CSMD1: variants seen among roughly 807,000 people sequenced by gnomAD.
The protein encoded by CSMD1 is CUB and Sushi multiple domains 1.
In CSMD1, 213 loss-of-function variants were observed where a neutral mutation model predicts 417.5. The ratio of observed to expected loss-of-function variants is 0.51; its 90% CI spans 0.46 to 0.57. The LOEUF (loss-of-function observed/expected upper bound fraction) is 0.57, where lower values mean the gene tolerates loss of function less well. Ranked by LOEUF, CSMD1 falls within the 20% of genes least tolerant of loss-of-function variation. The pLI is 0.00. For synonymous variants in CSMD1, 2,862 were observed against 1,736.8 expected, an observed-to-expected ratio of 1.65 and a Z score of -16.11; for missense variants, 6,923 against 4,529.7, an observed-to-expected ratio of 1.53 and a Z score of -15.17.
intron 5 of CSMD1, among the ~76,000 whole-genome samples, chr8:3,977,583 C>A (rs1309549910): frequency 6.6e-6 from 1 of 152,132 alleles, no homozygotes; most frequent in Non-Finnish European, 1.5e-5. Flanking sequence ...GCACAAAGCC[C>A]CATGTTAAAT....
At chr8:4,108,594 G>A (rs1472145312) in intron 3 of CSMD1, among the ~76,000 whole-genome samples, 2 of 152,092 alleles carry the variant, frequency 1.3e-5, no homozygotes, top group Non-Finnish European at 2.9e-5. Flanking sequence ...ATTTCCACAC[G>A]GCAACAGCAC....
chr8:4,039,434 T>C (rs1417931741), intron 3 of CSMD1, among the ~76,000 whole-genome samples: 1 of 152,326 alleles, frequency 6.6e-6, no homozygotes, highest in African/African-American at 2.4e-5. Flanking sequence ...CATTAAAAAA[T>C]CGGATTTCCT....
At chr8:3,358,105 A>T (rs1023527579) in intron 21 of CSMD1, among the ~76,000 whole-genome samples, 15 of 152,218 alleles carry the variant, frequency 9.9e-5, no homozygotes, top group Non-Finnish European at 1.6e-4. Context: ...ATGCTAAACA[A>T]GTTATGCTAA....
At chr8:4,067,811 GCTCATGTCTGTGAT>G (rs980632320) in intron 3 of CSMD1, among the ~76,000 whole-genome samples, 132 of 152,254 alleles carry the variant, frequency 8.7e-4, no homozygotes, top group African/African-American at 3.1e-3. Context: ...AGATACAGTG[GCTCATGTCTGTGAT>G]CCCAACACTT....
chr8:4,727,291 A>G (rs1012800127), intron 1 of CSMD1, among the ~76,000 whole-genome samples: 1 of 152,226 alleles, frequency 6.6e-6, no homozygotes, highest in African/African-American at 2.4e-5. Context: ...AGTCTGTAAC[A>G]ATAATTAAGT....
chr8:3,041,967 C>T (rs963936018), intron 50 of CSMD1, among the ~76,000 whole-genome samples: 2 of 152,188 alleles, frequency 1.3e-5, no homozygotes, highest in Non-Finnish European at 2.9e-5. Context: ...TTATTGGCCA[C>T]CCTTCATCTC....
intron 5 of CSMD1, among the ~76,000 whole-genome samples, chr8:3,946,115 A>T (rs548865772): frequency 3.3e-5 from 5 of 152,236 alleles, no homozygotes; most frequent in African/African-American, 1.2e-4. Flanking sequence ...GCACCTTGGA[A>T]CTGATTCCAT....
chr8:4,134,586 T>C (rs930570962), intron 3 of CSMD1, among the ~76,000 whole-genome samples: 2 of 152,216 alleles, frequency 1.3e-5, no homozygotes, highest in Non-Finnish European at 2.9e-5. Flanking sequence ...AAGGAATGCA[T>C]ACAACTTCCA....
chr8:3,171,196 T>C (rs1213017778), intron 37 of CSMD1, among the ~76,000 whole-genome samples: 1 of 152,186 alleles, frequency 6.6e-6, no homozygotes, highest in Non-Finnish European at 1.5e-5. Flanking sequence ...CAATTATAGA[T>C]CCTTTATAAA....
At chr8:3,390,896 T>C (rs1225196651) in intron 17 of CSMD1, among the ~76,000 whole-genome samples, 1 of 152,076 alleles carries the variant, frequency 6.6e-6, no homozygotes, top group Admixed American at 6.6e-5. Flanking sequence ...TCTCACAGCC[T>C]CCGAGAGGTT....
At chr8:3,287,257 T>G (rs999414610) in intron 25 of CSMD1, among the ~76,000 whole-genome samples, 1 of 151,300 alleles carries the variant, frequency 6.6e-6, no homozygotes, top group Non-Finnish European at 1.5e-5. Flanking sequence ...CTTTGTTCTT[T>G]TGGCTTAGGA....
intron 2 of CSMD1, among the ~76,000 whole-genome samples, chr8:4,633,298 G>C (rs576444220): frequency 6.6e-6 from 1 of 152,232 alleles, no homozygotes; most frequent in Admixed American, 6.5e-5. Flanking sequence ...CCAGGCTGGA[G>C]TGCAGTGGTG....
At chr8:3,939,192 G>C (rs1314068447) in intron 5 of CSMD1, among the ~76,000 whole-genome samples, 1 of 151,942 alleles carries the variant, frequency 6.6e-6, no homozygotes, top group Non-Finnish European at 1.5e-5. Context: ...CTGTATAAGA[G>C]AACCCAACAC....
rs945743690 is a variant in CSMD1, at chr8:3,722,767, G to A, written c.932-14276C>T. ...TCTAATATTAGCATTAATGCTAGTC[G>A]TTAGCAGAATGCACCTGCACTTCTG... On this transcript the variant is annotated intron_variant, in intron 6 of 69. Transcript: ENST00000635120. Among the ~76,000 whole-genome samples, 8 of 152,148 alleles carry A rather than the reference G, an allele frequency of 5.3e-5. No individual in the cohort carries two copies. In the South Asian group the frequency reaches 6.2e-4, roughly 12 times the overall value.
intron 2 of CSMD1, among the ~76,000 whole-genome samples, chr8:4,484,670 T>C (rs1233940946): frequency 1.3e-5 from 2 of 151,344 alleles, no homozygotes; most frequent in African/African-American, 4.9e-5. Context: ...CCTGGGAAGA[T>C]ATTGAAAGAG....
In CSMD1 at chr8:3,980,572, A is replaced by G. The variant is rs140122737; in HGVS notation, c.818+17331T>C. Reference sequence around the variant, plus strand: ...TGGTTTTCCACTCAAATTCGTAGTGAAAATAGTTTCCCCCCTTGTTAATTT... The same window carrying G: ...TGGTTTTCCACTCAAATTCGTAGTGGAAATAGTTTCCCCCCTTGTTAATTT... On this transcript the variant is annotated intron_variant, in intron 5 of 69. Coordinates refer to ENST00000635120, the MANE Select transcript of CSMD1 (RefSeq NM_033225.6). Among the ~76,000 whole-genome samples, 631 of 152,274 alleles carry G rather than the reference A, an allele frequency of 4.1e-3. 8 individuals carry two copies. The highest frequency in any genetic ancestry group is 0.015 in the African/African-American group (604 of 41,540).
intron 2 of CSMD1, among the ~76,000 whole-genome samples, chr8:4,633,928 G>C (rs754149984): frequency 4.6e-5 from 7 of 151,432 alleles, no homozygotes; most frequent in Admixed American, 6.6e-5. Flanking sequence ...CTGGAGACTG[G>C]GAAGCAAGAG....
chr8:3,500,695 A>G (rs998066000), intron 10 of CSMD1, among the ~76,000 whole-genome samples: 1 of 152,190 alleles, frequency 6.6e-6, no homozygotes, highest in South Asian at 2.1e-4. Flanking sequence ...GCTACTAAGA[A>G]TGTGAATTAG....
intron 5 of CSMD1, among the ~76,000 whole-genome samples, chr8:3,890,471 G>T (rs1006795591): frequency 1.3e-5 from 2 of 151,696 alleles, no homozygotes; most frequent in Admixed American, 1.3e-4. Flanking sequence ...GCTGAGTGAG[G>T]GAAGTTTTGA....
Sources: gnomAD v4.1 joint callset for allele counts (sites outside exome capture counted in the v4.1 genomes callset) on GRCh38, gnomAD v4.1.1 for gene constraint, MANE v1.5 for transcripts, NCBI Gene and HGNC (gene_info 2026-07-23, HGNC 2026-07-21) for gene names.